Variants in UTRN observed in about 807,000 individuals in gnomAD.
UTRN encodes dystrophin-related protein 1.
In UTRN, 283 loss-of-function variants were observed where a neutral mutation model predicts 463.9. The ratio of observed to expected loss-of-function variants is 0.61; its 90% CI spans 0.55 to 0.67. UTRN has a LOEUF of 0.67. Among genes scored for constraint, UTRN ranks in the 30% least tolerant of loss-of-function variants. UTRN has a pLI of 0.00. For missense variants in UTRN, 3,922 were observed against 4,084.3 expected (o/e 0.96, Z 1.08); for synonymous variants, 1,442 against 1,431.5 (o/e 1.01, Z -0.17).
At chr6:144,381,276 G>A (rs548477461) in intron 2 of UTRN, among the ~76,000 whole-genome samples, 1 of 152,236 alleles carries the variant, frequency 6.6e-6, no homozygotes, top group East Asian at 1.9e-4. Context: ...TGTGGTATTT[G>A]GCTTTCTGTT....
At chr6:144,671,888 T>C (rs1263850968) in intron 51 of UTRN, among the ~76,000 whole-genome samples, 1 of 152,010 alleles carries the variant, frequency 6.6e-6, no homozygotes, top group East Asian at 1.9e-4. Flanking sequence ...ATTTTGTTAA[T>C]TGCTTTTTCT....
At chr6:144,576,641 T>G (rs1393731022) in intron 50 of UTRN, among the ~76,000 whole-genome samples, 2 of 152,174 alleles carry the variant, frequency 1.3e-5, no homozygotes, top group African/African-American at 4.8e-5. Flanking sequence ...TGTCTTTATG[T>G]AAGTCAACAC....
At chr6:144,813,165 T>TTTTTTA (rs202044328) in intron 65 of UTRN, among the ~76,000 whole-genome samples, 5,073 of 151,432 alleles carry the variant, frequency 0.034, 258 homozygotes, top group African/African-American at 0.11. Context: ...GTTGTTTTAT[T>TTTTTTA]TTTTTATTTT....
chr6:144,412,242 T>G (rs1432163906), intron 3 of UTRN, among the ~76,000 whole-genome samples: 3 of 152,164 alleles, frequency 2.0e-5, no homozygotes, highest in Admixed American at 1.3e-4. Context: ...TTTGTAAAAA[T>G]TAGATAAATC....
At chr6:144,825,381 T>C (rs1035681715) in intron 66 of UTRN, among the ~76,000 whole-genome samples, 9 of 152,228 alleles carry the variant, frequency 5.9e-5, no homozygotes, top group African/African-American at 2.2e-4. Context: ...TATTTTCTCC[T>C]TTCAGAATTA....
intron 51 of UTRN, among the ~76,000 whole-genome samples, chr6:144,601,618 TC>T (rs1410451810): frequency 6.6e-6 from 1 of 152,204 alleles, no homozygotes; most frequent in Non-Finnish European, 1.5e-5. Flanking sequence ...TGGAATCTAC[TC>T]CTGGTGAAGA....
In UTRN at chr6:144,429,586, G is replaced by T. The variant is rs1291291037; in HGVS notation, c.700G>T (p.Ala234Ser). 6.3e-7 allele frequency: 1 copy of T among 1,598,206 alleles called. No homozygotes were observed. The highest frequency in any genetic ancestry group is 1.4e-5 in the African/African-American group (1 of 73,958). Reference sequence around the variant, plus strand: ...TTATATTCTTCCACTTTTAGATGTTGCCGTTCAGCTTCCTGACAAGAAATC... The same window carrying T: ...TTATATTCTTCCACTTTTAGATGTTTCCGTTCAGCTTCCTGACAAGAAATC... Reference protein sequence around the residue: ...IEKLLDPEDVAVQLPDKKSII... With the variant: ...IEKLLDPEDVSVQLPDKKSII... Residue 234 changes from alanine to serine, a missense_variant, in exon 9 of 75, where the codon GCC (alanine) becomes TCC (serine). Physicochemically the swap from Ala to Ser is moderately conservative, Grantham distance 99 (BLOSUM62 1). This residue lies in a region of UTRN where 264 missense variants were observed against 327.9 expected (regional missense o/e 0.81). Coordinates refer to ENST00000367545, the MANE Select transcript of UTRN (RefSeq NM_007124.3).
intron 65 of UTRN, among the ~76,000 whole-genome samples, chr6:144,814,339 G>T (rs995817427): frequency 3.3e-5 from 5 of 151,872 alleles, no homozygotes; most frequent in African/African-American, 1.2e-4. Flanking sequence ...TCTTGGACTT[G>T]CCAGTCTCCA....
intron 19 of UTRN, among the ~76,000 whole-genome samples, chr6:144,455,500 CTTTATCTGATGTGAAT>C (rs1788727897): frequency 1.3e-5 from 2 of 152,152 alleles, no homozygotes; most frequent in Non-Finnish European, 2.9e-5. Context: ...GTGACTCTGA[CTTTATCTGATGTGAAT>C]ATGGGATAAT....
intron 34 of UTRN, among the ~76,000 whole-genome samples, chr6:144,507,607 A>G (rs960382459): frequency 6.6e-6 from 1 of 152,076 alleles, no homozygotes; most frequent in African/African-American, 2.4e-5. Flanking sequence ...CAGAATAGCA[A>G]AGATTGCTCC....
rs1792959049 is a variant in UTRN at position 144,763,652 on chromosome 6, G to A, written c.8495+5663G>A. Among the ~76,000 whole-genome samples, 6 of 152,270 alleles carry A rather than the reference G, an allele frequency of 3.9e-5. No individual in the cohort carries two copies. In the South Asian group the frequency reaches 6.2e-4, roughly 16 times the overall value. On this transcript the variant is annotated intron_variant, in intron 58 of 74. Coordinates refer to ENST00000367545, the MANE Select transcript of UTRN (RefSeq NM_007124.3). ...AAGAAATAGTCCTTCCCTAAATATGGTCAGAGAGGAGTATCAGCAAGGCAA... is the reference window on the plus strand; with the variant it reads ...AAGAAATAGTCCTTCCCTAAATATGATCAGAGAGGAGTATCAGCAAGGCAA...
chr6:144,483,591 C>A (rs999155351), intron 27 of UTRN, among the ~76,000 whole-genome samples: 2 of 152,110 alleles, frequency 1.3e-5, no homozygotes, highest in African/African-American at 4.8e-5. Context: ...TCCAGCCTTG[C>A]AATGCCACAC....
intron 13 of UTRN, among the ~76,000 whole-genome samples, chr6:144,440,908 A>AGG (rs1373001036): frequency 1.3e-5 from 2 of 152,194 alleles, no homozygotes; most frequent in African/African-American, 4.8e-5. Flanking sequence ...AGGCAAAGAG[A>AGG]GGGAGCTTGT....
chr6:144,835,455 G>A (rs193173714), intron 69 of UTRN, among the ~76,000 whole-genome samples: 1 of 152,190 alleles, frequency 6.6e-6, no homozygotes, highest in Non-Finnish European at 1.5e-5. Flanking sequence ...TAGGCATGGA[G>A]TAATTGATTT....
chr6:144,784,684 A>G (rs1225060531), intron 61 of UTRN, among the ~76,000 whole-genome samples: 1 of 152,192 alleles, frequency 6.6e-6, no homozygotes, highest in Non-Finnish European at 1.5e-5. Flanking sequence ...CTTGGTTGGG[A>G]GGAAGCAGTG....
At chr6:144,651,526 T>C (rs1585789363) in intron 51 of UTRN, among the ~76,000 whole-genome samples, 1 of 152,226 alleles carries the variant, frequency 6.6e-6, no homozygotes, top group Non-Finnish European at 1.5e-5. Flanking sequence ...CCATGAAATA[T>C]ATACTATAGG....
chr6:144,781,145 G>A (rs1024691276), intron 60 of UTRN, among the ~76,000 whole-genome samples: 6 of 152,194 alleles, frequency 3.9e-5, no homozygotes, highest in African/African-American at 1.2e-4. Context: ...CATAGATGTT[G>A]TACACATGAA....
intron 34 of UTRN, among the ~76,000 whole-genome samples, chr6:144,508,690 A>G (rs1273806447): frequency 4.6e-5 from 7 of 151,274 alleles, no homozygotes; most frequent in Non-Finnish European, 3.0e-5. Flanking sequence ...CTTGCCAGCC[A>G]CCTCCTCTGC....
intron 2 of UTRN, among the ~76,000 whole-genome samples, chr6:144,374,252 A>G (rs1470453469): frequency 6.6e-6 from 1 of 152,190 alleles, no homozygotes; most frequent in African/African-American, 2.4e-5. Context: ...ATAACTCCAT[A>G]CTTTGTTCTA....
Sources: gnomAD v4.1 joint callset for allele counts (sites outside exome capture counted in the v4.1 genomes callset) on GRCh38, gnomAD v4.1.1 for gene constraint, gnomAD v4.1.1 regional missense constraint, MANE v1.5 for transcripts, NCBI Gene and HGNC (gene_info 2026-07-23, HGNC 2026-07-21) for gene names.